The following AKAP11 variants were observed in gnomAD, a reference collection of about 807,000 sequenced individuals.
AKAP11 encodes the protein A-kinase anchor protein 11.
Under a neutral mutation model 146.1 loss-of-function variants are expected in AKAP11, and 36 were observed. The observed-to-expected ratio is 0.25, with a 90% CI of 0.19 to 0.33. AKAP11 has a LOEUF of 0.33. Ranked by LOEUF, AKAP11 falls within the 10% of genes least tolerant of loss-of-function variation. The pLI, the probability that AKAP11 is intolerant of heterozygous loss-of-function variation, is 1.00. For missense variants in AKAP11, 2,201 were observed against 2,197.0 expected, an observed-to-expected ratio of 1.00 and a Z score of -0.04; for synonymous variants, 780 against 786.5, an observed-to-expected ratio of 0.99 and a Z score of 0.14.
At chr13:42,295,618 C>G in intron 4 of AKAP11, 77 bp from the exon 5 acceptor site, 2 of 1,354,126 alleles carry the variant, frequency 1.5e-6, no homozygotes, top group Non-Finnish European at 2.1e-6. Context: ...TCTGTTTTTT[C>G]CTGTTTGTCA....
Position 42,308,522 on chromosome 13 carries a change from G to C in AKAP11, c.5186G>C (p.Gly1729Ala), listed in dbSNP as rs773343060. 6.2e-7 allele frequency: 1 copy of C among 1,613,312 alleles called. No homozygotes were observed. The highest frequency in any genetic ancestry group is 1.3e-5 in the African/African-American group (1 of 74,964). The change falls in exon 9 of 13, where the codon GGT becomes GCT. Residue 1729 changes from glycine (G) to alanine (A), a missense_variant. By Grantham distance (60) the Gly-to-Ala change is moderately conservative. This residue lies in a region of AKAP11 where 1,867 missense variants were observed against 1,833.5 expected (regional missense o/e 1.02). Transcript: ENST00000025301. ...AGCCAGCAGATGAACCTCAGTATTG[G>C]TGATGACAGCACTGGTAGCTGGTCC... is the stretch of plus-strand genomic sequence containing the variant. The part of the protein sequence containing the change: ...VSSQQMNLSI[G>A]DDSTGSWSNL...
intron 11 of AKAP11, among the ~76,000 whole-genome samples, chr13:42,316,883 G>T (rs1311066233): frequency 6.6e-6 from 1 of 152,082 alleles, no homozygotes; most frequent in Non-Finnish European, 1.5e-5. Context: ...GTTTTTTTGT[G>T]GGGTTTTGTT....
At chr13:42,305,083 A>G (rs1319255000) in intron 8 of AKAP11, among the ~76,000 whole-genome samples, 2 of 152,188 alleles carry the variant, frequency 1.3e-5, no homozygotes, top group East Asian at 3.8e-4. Flanking sequence ...CAACTTAGTT[A>G]CAGTTTTTCA....
Position 42,301,203 on chromosome 13 carries a change from G to A in AKAP11, c.2457G>A (p.Val819=), listed in dbSNP as rs375470395. The A allele has an allele frequency of 7.4e-6, 12 of 1,613,934 alleles. No individual in the cohort carries two copies. Among genetic ancestry groups the A allele is most frequent in the Admixed American group, 1.7e-5 (1 of 59,970 alleles). ...DSNSNGDSAQ[V]HIATKNREEK... Reference sequence around the variant, plus strand: ...ATTCAAATGGTGATTCTGCCCAAGTGCATATTGCCACAAAAAACAGAGAAG... The same window carrying A: ...ATTCAAATGGTGATTCTGCCCAAGTACATATTGCCACAAAAAACAGAGAAG... The change falls in exon 8 of 13, where the codon GTG becomes GTA. Residue 819 remains valine (V), a synonymous_variant. Transcript: ENST00000025301.
At chr13:42,292,062 C>G (rs529931401) in intron 3 of AKAP11, among the ~76,000 whole-genome samples, 1 of 152,300 alleles carries the variant, frequency 6.6e-6, no homozygotes, top group East Asian at 1.9e-4. Context: ...ACGCCAGTGA[C>G]TTGGAAATCA....
chr13:42,302,019 C>T lies in AKAP11; in HGVS notation c.3273C>T (p.Val1091=). Residue 1091 remains valine (V), a synonymous_variant, in exon 8 of 13, where the codon GTC becomes GTT. Transcript: ENST00000025301. ...DGLHVEDKQK[V]RDRNVIPDTP... The stretch of plus-strand genomic sequence containing the variant: ...TGCATGTGGAAGATAAACAGAAAGT[C>T]AGAGACAGAAATGTAATACCTGATA... The T allele has an allele frequency of 6.2e-7, 1 of 1,614,076 alleles. No individual in the cohort carries two copies. Among genetic ancestry groups the T allele is most frequent in the Non-Finnish European group, 8.5e-7 (1 of 1,179,974 alleles).
At chr13:42,313,838 G>A in intron 10 of AKAP11, 56 bp from the exon 11 acceptor site, 2 of 1,485,974 alleles carry the variant, frequency 1.3e-6, no homozygotes, top group Admixed American at 3.4e-5. Context: ...AATTTGTTTT[G>A]ATACCATTAT....
intron 7 of AKAP11, 133 bp from the exon 8 acceptor site, chr13:42,299,230 C>T: frequency 1.3e-6 from 1 of 777,736 alleles, no homozygotes; most frequent in African/African-American, 1.8e-5. Context: ...TTGGGTGAAT[C>T]TTTCTGTTAA....
intron 1 of AKAP11, among the ~76,000 whole-genome samples, chr13:42,281,345 C>T (rs978260337): frequency 1.3e-5 from 2 of 152,094 alleles, no homozygotes; most frequent in African/African-American, 4.8e-5. Context: ...GAATTTGGAT[C>T]TTCTGGTGGG....
rs1382956218 is a variant in AKAP11, at chr13:42,301,987, G to A, written c.3241G>A (p.Asp1081Asn). The change falls in exon 8 of 13, where the codon GAT (aspartate) becomes AAT (asparagine). Residue 1081 changes from aspartate to asparagine, a missense_variant. By Grantham distance (23) the Asp-to-Asn change is conservative. This residue lies in a region of AKAP11 where 1,867 missense variants were observed against 1,833.5 expected (regional missense o/e 1.02). Transcript: ENST00000025301. ...CTCATCTACAGCACTTACCTGTGTA[G>A]ATGGTTTGCATGTGGAAGATAAACA... ...TFSSTALTCV[D>N]GLHVEDKQKV... is the part of the protein sequence containing the mutation. The A allele has an allele frequency of 1.2e-6, 2 of 1,614,026 alleles. No individual in the cohort carries two copies.
intron 1 of AKAP11, among the ~76,000 whole-genome samples, chr13:42,283,932 A>G (rs554028830): frequency 1.3e-5 from 2 of 152,150 alleles, no homozygotes; most frequent in Non-Finnish European, 2.9e-5. Context: ...TCTGGCATCT[A>G]GATTGCTTCG....
Position 42,300,431 on chromosome 13 carries a change from T to C in AKAP11, c.1685T>C (p.Phe562Ser), listed in dbSNP as rs760846916. Reference protein sequence around the residue: ...KFAADLVEKSFGSAFKDLQKG... With the variant: ...KFAADLVEKSSGSAFKDLQKG... ...GCAGCAGATCTTGTGGAAAAAAGTTTTGGCAGTGCATTTAAAGACTTACAG... is the reference window on the plus strand; with the variant it reads ...GCAGCAGATCTTGTGGAAAAAAGTTCTGGCAGTGCATTTAAAGACTTACAG... The change falls in exon 8 of 13, where the codon TTT becomes TCT. Residue 562 changes from phenylalanine (F) to serine (S), a missense_variant. Phe to Ser is a radical substitution (Grantham distance 155, BLOSUM62 -2). Coordinates refer to ENST00000025301, the MANE Select transcript of AKAP11 (RefSeq NM_016248.4). 3.7e-6 allele frequency: 6 copies of C among 1,613,684 alleles called. No homozygotes were observed. The East Asian group carries it at 1.3e-4, about 36-fold the overall frequency.
At chr13:42,296,575 A>G (rs1959528972) in intron 5 of AKAP11, among the ~76,000 whole-genome samples, 1 of 152,112 alleles carries the variant, frequency 6.6e-6, no homozygotes, top group South Asian at 2.1e-4. Flanking sequence ...AATCTTCATT[A>G]AAATTATCAG....
Position 42,301,643 on chromosome 13 carries a change from T to C in AKAP11, c.2897T>C (p.Val966Ala). The change falls in exon 8 of 13, where the codon GTA (valine) becomes GCA (alanine). Residue 966 changes from valine (V) to alanine (A), a missense_variant. Physicochemically the swap from Val to Ala is moderately conservative, Grantham distance 64. Coordinates refer to ENST00000025301, the MANE Select transcript of AKAP11 (RefSeq NM_016248.4). ...ATCCCAAATATAGATAAAAATGCAG[T>C]ATACAAGGAAAGCTTGCCTGTTTCT... ...SVIPNIDKNAVYKESLPVSGE... is the reference protein window; with the variant it reads ...SVIPNIDKNAAYKESLPVSGE... The C allele has an allele frequency of 6.2e-7, 1 of 1,614,086 alleles. No individual in the cohort carries two copies. Among genetic ancestry groups the C allele is most frequent in the Non-Finnish European group, 8.5e-7 (1 of 1,179,992 alleles).
chr13:42,295,998 A>G (rs1959491390), intron 5 of AKAP11, among the ~76,000 whole-genome samples: 2 of 152,236 alleles, frequency 1.3e-5, no homozygotes. Context: ...AAAATTAACA[A>G]TTAGCCAATG....
In AKAP11 at chr13:42,322,813, G is replaced by A. The variant is rs1961141185; in HGVS notation, c.*3585G>A. On this transcript the variant is annotated 3_prime_UTR_variant, in exon 13 of 13. Transcript: ENST00000025301. The stretch of plus-strand genomic sequence containing the variant: ...ACCATCTGTGTACATTCCTTTCATA[G>A]GGTAGAGTTCTAGTTCTAGAAGTTC... 6.6e-6 allele frequency: 1 copy of A among 152,490 alleles called. No homozygotes were observed. Among genetic ancestry groups the A allele is most frequent in the Admixed American group, 6.6e-5 (1 of 15,254 alleles). 9.4% of individuals were successfully genotyped at this position (152,490 alleles called of 1,614,324 possible). A position where few individuals can be genotyped will look rare whatever the true frequency, so the allele number is the denominator to read the frequency against.
intron 7 of AKAP11, 112 bp downstream of exon 7, chr13:42,298,909 T>G: frequency 1.8e-6 from 2 of 1,127,988 alleles, no homozygotes; most frequent in East Asian, 5.7e-5. Flanking sequence ...TGATTCAATT[T>G]AAACCTTTTA....
intron 1 of AKAP11, among the ~76,000 whole-genome samples, chr13:42,275,899 G>A (rs1040958751): frequency 1.3e-5 from 2 of 152,112 alleles, no homozygotes; most frequent in African/African-American, 4.8e-5. Flanking sequence ...ACAGGCTTCT[G>A]GTCGTGTTCA....
At chr13:42,312,528 C>T (rs565049476) in intron 9 of AKAP11, among the ~76,000 whole-genome samples, 3 of 152,110 alleles carry the variant, frequency 2.0e-5, no homozygotes, top group South Asian at 2.1e-4. Flanking sequence ...CATGTTTTGC[C>T]CAAATAGTTA....
Sources: gnomAD v4.1 joint callset for allele counts (sites outside exome capture counted in the v4.1 genomes callset) on GRCh38, gnomAD v4.1.1 for gene constraint, gnomAD v4.1.1 regional missense constraint, MANE v1.5 for transcripts, NCBI Gene and HGNC (gene_info 2026-07-23, HGNC 2026-07-21) for gene names.